KIF1B: variants seen among roughly 807,000 people sequenced by gnomAD.
KIF1B encodes kinesin-like protein KIF1B.
Under a neutral mutation model 241.9 loss-of-function variants are expected in KIF1B, and 76 were observed. That is an observed-to-expected ratio of 0.31 (90% CI 0.26 to 0.38). The LOEUF is 0.38. Among genes scored for constraint, KIF1B ranks in the 10% least tolerant of loss-of-function variants. The pLI, the probability that KIF1B is intolerant of heterozygous loss-of-function variation, is 1.00. For synonymous variants in KIF1B, 750 were observed against 796.7 expected (o/e 0.94, Z 0.99); for missense variants, 1,622 against 2,271.4 (o/e 0.71, Z 5.81).
intron 45 of KIF1B, among the ~76,000 whole-genome samples, chr1:10,373,829 G>T (rs1362775765): frequency 6.6e-6 from 1 of 152,172 alleles, no homozygotes. Context: ...TCCCCTGGGA[G>T]GCTTGTTGAA....
At chr1:10,341,137 G>A (rs2102321149) in intron 32 of KIF1B, among the ~76,000 whole-genome samples, 1 of 152,292 alleles carries the variant, frequency 6.6e-6, no homozygotes, top group Middle Eastern at 3.4e-3. Flanking sequence ...TTACGATAGG[G>A]GAAATAAAAT....
intron 10 of KIF1B, chr1:10,274,866 C>T (rs17396973): frequency 0.5 from 169,876 of 341,728 alleles, 43,451 homozygotes; most frequent in African/African-American, 0.65. Flanking sequence ...GATAATGGTC[C>T]TGTGGTGTTT....
At chr1:10,354,283 T>C (rs1304616425) in intron 38 of KIF1B, among the ~76,000 whole-genome samples, 2 of 152,236 alleles carry the variant, frequency 1.3e-5, no homozygotes, top group African/African-American at 2.4e-5. Flanking sequence ...AAACTTTTGC[T>C]GGAAAGCCAT....
intron 24 of KIF1B, among the ~76,000 whole-genome samples, chr1:10,323,351 C>T (rs1026007895): frequency 9.9e-5 from 15 of 151,926 alleles, no homozygotes; most frequent in African/African-American, 3.4e-4. Flanking sequence ...GATTTTATGC[C>T]GGGTGTGGTG....
rs773381645 is a variant in KIF1B at position 10,304,457 on chromosome 1, G to A, written c.2115+7211G>A. The A allele has an allele frequency of 2.5e-6, 4 of 1,610,960 alleles. No individual in the cohort carries two copies. In the Admixed American group the frequency reaches 5.0e-5, roughly 20 times the overall value. On this transcript the variant is annotated intron_variant, in intron 22 of 48. Transcript: ENST00000676179. ...GATGTACAGACTTTCCAGGCAAAGC[G>A]CCATATTCATCAACACCGTCAGTCT...
chr1:10,363,064 C>T (rs1309925557), intron 40 of KIF1B, among the ~76,000 whole-genome samples: 1 of 151,876 alleles, frequency 6.6e-6, no homozygotes, highest in Non-Finnish European at 1.5e-5. Context: ...ACAGGGAAAC[C>T]CTATCTATAA....
intron 17 of KIF1B, chr1:10,292,399 T>C: frequency 2.6e-6 from 1 of 386,414 alleles, no homozygotes; most frequent in South Asian, 2.7e-5. Flanking sequence ...CATCTTTATT[T>C]GTTGCTTTCT....
At chr1:10,360,684 C>CA (rs754892826) in intron 38 of KIF1B, among the ~76,000 whole-genome samples, 1,667 of 64,366 alleles carry the variant, frequency 0.026, 24 homozygotes, top group African/African-American at 0.078. Flanking sequence ...AATTCTGTCT[C>CA]AAAAAAAAAA....
intron 31 of KIF1B, 61 bp from the exon 32 acceptor site, chr1:10,339,708 A>T (rs924306001): frequency 7.1e-7 from 1 of 1,404,198 alleles, no homozygotes; most frequent in African/African-American, 1.4e-5. Context: ...GGCTCTTGAA[A>T]GAGATTCTGA....
chr1:10,306,026 A>G, intron 22 of KIF1B: 1 of 1,049,468 alleles, frequency 9.5e-7, no homozygotes, highest in Non-Finnish European at 1.2e-6. Context: ...AAAGATTGTG[A>G]TTATGTTTTT....
chr1:10,229,868 A>T (rs1350239755), intron 1 of KIF1B, among the ~76,000 whole-genome samples: 1 of 53,296 alleles, frequency 1.9e-5, no homozygotes, highest in African/African-American at 1.0e-4. Context: ...ACTCCGTCTC[A>T]AAAAAAAAAA....
intron 1 of KIF1B, among the ~76,000 whole-genome samples, chr1:10,225,377 C>T (rs762941097): frequency 5.9e-5 from 9 of 151,716 alleles, no homozygotes; most frequent in Non-Finnish European, 7.4e-5. Context: ...TCCAGCTGCT[C>T]GGGAAACTGA....
chr1:10,294,768 T>C (rs560469134), intron 17 of KIF1B, among the ~76,000 whole-genome samples: 2 of 152,258 alleles, frequency 1.3e-5, no homozygotes, highest in African/African-American at 4.8e-5. Flanking sequence ...CTTGAGAGGC[T>C]GAGGCAGGAG....
At position 10,365,506 on chromosome 1, in the gene KIF1B, G is replaced by C; in HGVS notation, c.4610G>C (p.Gly1537Ala). 6.2e-7 allele frequency: 1 copy of C among 1,614,030 alleles called. No individual in the cohort carries two copies. Among genetic ancestry groups the C allele is most frequent in the Non-Finnish European group, 8.5e-7 (1 of 1,180,014 alleles). ...SDSLSPSLSS[G>A]TLSTSTSISS... Reference sequence around the variant, plus strand: ...TCGTTATCCCCCAGCCTCAGCAGTGGGACCCTCAGCACCTCCACCAGTATC... The same window carrying C: ...TCGTTATCCCCCAGCCTCAGCAGTGCGACCCTCAGCACCTCCACCAGTATC... Residue 1537 changes from glycine (G) to alanine (A), a missense_variant, in exon 43 of 49, where the codon GGG becomes GCG. Gly to Ala is a moderately conservative substitution (Grantham distance 60). Coordinates refer to ENST00000676179, the MANE Select transcript of KIF1B (RefSeq NM_001365951.3). The surrounding 1 kb of genome is among the most constrained non-coding windows in gnomAD (Gnocchi z 4.0).
At chr1:10,300,074 T>C (rs886435461) in intron 22 of KIF1B, among the ~76,000 whole-genome samples, 6 of 151,442 alleles carry the variant, frequency 4.0e-5, no homozygotes, top group African/African-American at 1.5e-4. Flanking sequence ...CCATCTCTAC[T>C]GAAAATACAA....
chr1:10,347,512 A>G (rs1652630794), intron 35 of KIF1B, among the ~76,000 whole-genome samples: 1 of 152,210 alleles, frequency 6.6e-6, no homozygotes, highest in Admixed American at 6.5e-5. Flanking sequence ...TACATTATTT[A>G]TTGAATACTT....
chr1:10,220,719 A>G (rs767458054), intron 1 of KIF1B, among the ~76,000 whole-genome samples: 9 of 152,034 alleles, frequency 5.9e-5, no homozygotes, highest in Non-Finnish European at 8.8e-5. Flanking sequence ...CTGTAGCGCA[A>G]TGGTATCATC....
intron 1 of KIF1B, among the ~76,000 whole-genome samples, chr1:10,225,506 C>A: frequency 6.6e-6 from 1 of 152,042 alleles, no homozygotes; most frequent in East Asian, 1.9e-4. Context: ...TTTATTCTGC[C>A]TTGGGTAAGG....
At position 10,361,794 on chromosome 1, in the gene KIF1B, T is replaced by A; in HGVS notation, c.4273T>A (p.Phe1425Ile). 6.2e-7 allele frequency: 1 copy of A among 1,614,132 alleles called. No individual in the cohort carries two copies. The highest frequency in any genetic ancestry group is 1.7e-5 in the Admixed American group (1 of 60,020). Residue 1425 changes from phenylalanine (F) to isoleucine (I), a missense_variant, in exon 40 of 49, where the codon TTT becomes ATT. This residue lies in a region of KIF1B where 803 missense variants were observed against 1,112.0 expected (regional missense o/e 0.72). Coordinates refer to ENST00000676179, the MANE Select transcript of KIF1B (RefSeq NM_001365951.3). ...ACCACCACGCTCTCTGCGTAGCCTC[T>A]TTGGCAGCGGCTACTCAAAGTCACC... The part of the protein sequence containing the change: ...ISPPRSLRSL[F>I]GSGYSKSPDS...
Sources: gnomAD v4.1 joint callset for allele counts (sites outside exome capture counted in the v4.1 genomes callset) on GRCh38, gnomAD v4.1.1 for gene constraint, gnomAD v4.1.1 regional missense constraint, Gnocchi (gnomAD v3.1) non-coding constraint, MANE v1.5 for transcripts, NCBI Gene and HGNC (gene_info 2026-07-23, HGNC 2026-07-21) for gene names.